Variants in DYNC2H1 observed in about 807,000 individuals in gnomAD.
The protein encoded by DYNC2H1 is cytoplasmic dynein 2 heavy chain 1.
DYNC2H1 carries 410 observed loss-of-function variants against 570.0 expected under a neutral mutation model. The ratio of observed to expected loss-of-function variants is 0.72; its 90% CI spans 0.66 to 0.78. The LOEUF is 0.78. Among genes scored for constraint, DYNC2H1 ranks in the 30% least tolerant of loss-of-function variants. DYNC2H1 has a pLI of 0.00. For missense variants in DYNC2H1, 4,865 were observed against 5,046.4 expected (o/e 0.96, Z 1.09); for synonymous variants, 1,688 against 1,677.6 (o/e 1.01, Z -0.15).
intron 87 of DYNC2H1, 24 bp from the exon 88 acceptor site, chr11:103,468,565 A>G: frequency 1.3e-6 from 2 of 1,570,074 alleles, no homozygotes; most frequent in South Asian, 1.1e-5. Context: ...GCATATTTTC[A>G]TGACATATTT....
At chr11:103,399,083 A>G (rs1279520650) in intron 83 of DYNC2H1, among the ~76,000 whole-genome samples, 1 of 147,648 alleles carries the variant, frequency 6.8e-6, no homozygotes, top group Admixed American at 6.8e-5. Context: ...TTCTTACCAT[A>G]CTATTACTTA....
At chr11:103,227,484 A>G (rs1207755891) in intron 59 of DYNC2H1, among the ~76,000 whole-genome samples, 1 of 152,140 alleles carries the variant, frequency 6.6e-6, no homozygotes, top group Non-Finnish European at 1.5e-5. Flanking sequence ...ACATATTTGC[A>G]TCGTTTTGAA....
intron 78 of DYNC2H1, among the ~76,000 whole-genome samples, chr11:103,309,206 G>A (rs11225680): frequency 0.33 from 34,918 of 105,802 alleles, 5,655 homozygotes; most frequent in Middle Eastern, 0.47. Context: ...ATGGGGTCTC[G>A]CTCTGTTACC....
At chr11:103,434,917 G>C (rs913655628) in intron 84 of DYNC2H1, among the ~76,000 whole-genome samples, 1 of 152,012 alleles carries the variant, frequency 6.6e-6, no homozygotes, top group African/African-American at 2.4e-5. Context: ...ATTTTTTATA[G>C]CCTAGACTTG....
intron 83 of DYNC2H1, among the ~76,000 whole-genome samples, chr11:103,371,133 C>G (rs963009908): frequency 3.9e-5 from 6 of 151,944 alleles, no homozygotes; most frequent in African/African-American, 1.5e-4. Context: ...AAGAATCAGG[C>G]AGAAATTCTT....
chr11:103,354,181 CAAAAAAA>C lies in DYNC2H1; in HGVS notation c.12040-4047_12040-4041del, dbSNP rs71465391. On this transcript the variant is annotated intron_variant, in intron 82 of 88. Coordinates refer to ENST00000375735, the MANE Select transcript of DYNC2H1 (RefSeq NM_001377.3). ...GACAGAGCCAGGCTCTGTCTCAAAA[CAAAAAAA>C]AAAAAAAAAAAAAATCTCCTGTTTA... 1.8e-4 allele frequency among the ~76,000 whole-genome samples: 21 copies of C among 117,238 alleles called. No individual in the cohort carries two copies. In the East Asian group the frequency reaches 4.9e-3, roughly 27 times the overall value. 76.9% of individuals were successfully genotyped at this position (117,238 alleles called of 152,430 possible).
chr11:103,223,457 G>A (rs928069483), intron 59 of DYNC2H1, among the ~76,000 whole-genome samples: 33 of 151,646 alleles, frequency 2.2e-4, no homozygotes, highest in Admixed American at 1.3e-4. Context: ...GTGTGATCTC[G>A]GCTCACCAAA....
chr11:103,385,663 A>G (rs1178147844), intron 83 of DYNC2H1, among the ~76,000 whole-genome samples: 2 of 152,204 alleles, frequency 1.3e-5, no homozygotes, highest in Admixed American at 1.3e-4. Flanking sequence ...AAATATTTAC[A>G]TATCAAAAGG....
intron 52 of DYNC2H1, among the ~76,000 whole-genome samples, chr11:103,207,274 A>G (rs912145701): frequency 6.9e-6 from 1 of 144,674 alleles, no homozygotes; most frequent in African/African-American, 2.5e-5. Flanking sequence ...TAGTATGTTC[A>G]TATGCTGTTG....
chr11:103,470,408 G>A (rs1761391425), intron 88 of DYNC2H1, among the ~76,000 whole-genome samples: 1 of 150,392 alleles, frequency 6.6e-6, no homozygotes, highest in African/African-American at 2.4e-5. Flanking sequence ...AAGGTAATAT[G>A]AACTTTTTAC....
At chr11:103,212,488 C>G (rs1382893619) in intron 54 of DYNC2H1, among the ~76,000 whole-genome samples, 1 of 151,898 alleles carries the variant, frequency 6.6e-6, no homozygotes, top group Non-Finnish European at 1.5e-5. Context: ...CTGTTATTAA[C>G]TGAAACATAA....
In DYNC2H1 at chr11:103,324,393, T is replaced by C. The variant is rs1228277972; in HGVS notation, c.12039+403T>C. On this transcript the variant is annotated intron_variant, in intron 82 of 88. Coordinates refer to ENST00000375735, the MANE Select transcript of DYNC2H1 (RefSeq NM_001377.3). The surrounding 1 kb of genome is among the most constrained non-coding windows in gnomAD (Gnocchi z 5.2). ...TTTGTATCCATGTATACTCAGTGTT[T>C]AGATCTCACCTATAAGTGAGAACGT... 6.6e-6 allele frequency among the ~76,000 whole-genome samples: 1 copy of C among 152,174 alleles called. No homozygotes were observed. Among genetic ancestry groups the C allele is most frequent in the Non-Finnish European group, 1.5e-5 (1 of 68,016 alleles).
chr11:103,220,049 A>G (rs1434048932), intron 56 of DYNC2H1, 21 bp downstream of exon 56: 1 of 1,306,330 alleles, frequency 7.7e-7, no homozygotes. Context: ...AAACATTCTA[A>G]GATCCATTTA....
intron 84 of DYNC2H1, chr11:103,403,018 AT>A (rs1211409367): frequency 2.0e-5 from 3 of 152,016 alleles, no homozygotes; most frequent in Admixed American, 2.0e-4. Flanking sequence ...GCCCGAGGAG[AT>A]TGGTCGAGGC....
At chr11:103,478,901 G>T (rs891309521) in intron 88 of DYNC2H1, among the ~76,000 whole-genome samples, 194 bp from the exon 89 acceptor site, 1 of 152,096 alleles carries the variant, frequency 6.6e-6, no homozygotes, top group Non-Finnish European at 1.5e-5. Context: ...CAATGTTTGG[G>T]GCTAGGGAGA....
chr11:103,379,671 G>A (rs1044888809), intron 83 of DYNC2H1, among the ~76,000 whole-genome samples: 3 of 152,000 alleles, frequency 2.0e-5, no homozygotes, highest in African/African-American at 4.8e-5. Flanking sequence ...CCAACCTTAC[G>A]TCTAAGCTTC....
At chr11:103,410,281 A>G (rs1234370764) in intron 84 of DYNC2H1, among the ~76,000 whole-genome samples, 3 of 151,858 alleles carry the variant, frequency 2.0e-5, no homozygotes, top group Non-Finnish European at 4.4e-5. Context: ...TTACTGCTAA[A>G]TCCTCCTTGA....
rs1293867922 is a variant in DYNC2H1, at chr11:103,222,065, C to T, written c.9143C>T (p.Ala3048Val). 1.2e-6 allele frequency: 2 copies of T among 1,611,462 alleles called. No homozygotes were observed. Among genetic ancestry groups the T allele is most frequent in the Non-Finnish European group, 8.5e-7 (1 of 1,178,682 alleles). The change falls in exon 58 of 89, where the codon GCA (alanine) becomes GTA (valine). Residue 3048 changes from alanine to valine, a missense_variant. Physicochemically the swap from Ala to Val is moderately conservative, Grantham distance 64 (BLOSUM62 0). This residue lies in a region of DYNC2H1 where 2,401 missense variants were observed against 2,454.6 expected (regional missense o/e 0.98). Coordinates refer to ENST00000375735, the MANE Select transcript of DYNC2H1 (RefSeq NM_001377.3). ...LAKRGVREDI[A>V]TFDARNISKE... Reference sequence around the variant, plus strand: ...AAAAGAGGTGTAAGAGAAGACATAGCAACCTTTGATGCCCGAAATATTTCA... The same window carrying T: ...AAAAGAGGTGTAAGAGAAGACATAGTAACCTTTGATGCCCGAAATATTTCA...
At chr11:103,405,936 T>C (rs1942847988) in intron 84 of DYNC2H1, 1 of 152,046 alleles carries the variant, frequency 6.6e-6, no homozygotes, top group Non-Finnish European at 1.5e-5. Flanking sequence ...ATTTCTCATG[T>C]TGAATTGCGA....
Sources: allele counts gnomAD v4.1 joint callset (sites outside exome capture counted in the v4.1 genomes callset), GRCh38; gene constraint gnomAD v4.1.1; regional missense constraint gnomAD v4.1.1; non-coding constraint Gnocchi (gnomAD v3.1); transcripts MANE v1.5; gene names NCBI Gene and HGNC (gene_info 2026-07-23, HGNC 2026-07-21).